FAM107B: variants seen among roughly 807,000 people sequenced by gnomAD.
FAM107B encodes family with sequence similarity 107 member B, also known as protein FAM107B.
In FAM107B, 21 loss-of-function variants were observed where a neutral mutation model predicts 31.5. The ratio of observed to expected loss-of-function variants is 0.67; its 90% CI spans 0.47 to 0.96. The LOEUF is 0.96. Ranked by LOEUF, FAM107B falls within the 40% of genes least tolerant of loss-of-function variation. FAM107B has a pLI of 0.00. For missense variants in FAM107B, 452 were observed against 377.1 expected (o/e 1.20, Z -1.64); for synonymous variants, 157 against 141.5 (o/e 1.11, Z -0.78).
At chr10:14,700,087 C>T (rs1423651705) in intron 1 of FAM107B, among the ~76,000 whole-genome samples, 1 of 152,094 alleles carries the variant, frequency 6.6e-6, no homozygotes, top group African/African-American at 2.4e-5. Context: ...CGTGTGCCAC[C>T]ACACCTGGCT....
At chr10:14,705,106 G>C (rs1288076253) in intron 1 of FAM107B, among the ~76,000 whole-genome samples, 1 of 150,964 alleles carries the variant, frequency 6.6e-6, no homozygotes, top group Admixed American at 6.6e-5. Context: ...TAAGCTCATG[G>C]ATTGCTGCAC....
intron 2 of FAM107B, among the ~76,000 whole-genome samples, chr10:14,567,380 G>A (rs997779496): frequency 2.6e-5 from 4 of 152,176 alleles, no homozygotes; most frequent in East Asian, 1.9e-4. Flanking sequence ...TCTGCCGAGA[G>A]TGAAATGAGA....
chr10:14,546,770 T>G (rs1287459293), intron 2 of FAM107B, among the ~76,000 whole-genome samples: 2 of 152,132 alleles, frequency 1.3e-5, no homozygotes, highest in African/African-American at 2.4e-5. Flanking sequence ...CAAATTAAAT[T>G]CAACCCTACC....
chr10:14,604,918 C>G (rs1211784757), intron 2 of FAM107B, among the ~76,000 whole-genome samples: 1 of 152,020 alleles, frequency 6.6e-6, no homozygotes, highest in Non-Finnish European at 1.5e-5. Flanking sequence ...TTCTCTTTCT[C>G]TCTCTGTGCT....
rs146372533 is a variant in FAM107B, at chr10:14,649,657, C to T, written c.469+17977G>A. ...ACACCCCCCACTTCGAGTTGTCCCA[C>T]CTTTTCCAGACTGAACCAATGTACA... On this transcript the variant is annotated intron_variant, in intron 2 of 4. Coordinates refer to ENST00000181796, the MANE Select transcript of FAM107B (RefSeq NM_031453.4). Among the ~76,000 whole-genome samples the T allele has an allele frequency of 1.8e-4, 28 of 152,304 alleles. No homozygotes were observed. In the East Asian group the frequency reaches 5.4e-3, roughly 29 times the overall value.
chr10:14,634,076 T>C (rs1853435398), intron 2 of FAM107B, among the ~76,000 whole-genome samples: 1 of 152,148 alleles, frequency 6.6e-6, no homozygotes, highest in African/African-American at 2.4e-5. Flanking sequence ...ACATTGTTAT[T>C]GATTTTTAAA....
chr10:14,755,994 C>T (rs1405998812), intron 1 of FAM107B, among the ~76,000 whole-genome samples: 3 of 152,194 alleles, frequency 2.0e-5, no homozygotes, highest in Admixed American at 1.3e-4. Flanking sequence ...ATGTGTCTGA[C>T]TGTCCCACCA....
intron 2 of FAM107B, among the ~76,000 whole-genome samples, chr10:14,649,615 A>G (rs9329343): frequency 0.51 from 76,835 of 151,986 alleles, 19,835 homozygotes; most frequent in East Asian, 0.59. Flanking sequence ...AAATCTTTGA[A>G]TCCACCTGTG....
chr10:14,626,785 T>C (rs1182489536), intron 2 of FAM107B, among the ~76,000 whole-genome samples: 1 of 152,194 alleles, frequency 6.6e-6, no homozygotes, highest in Non-Finnish European at 1.5e-5. Context: ...TTAGTTGTCT[T>C]GTGCTGCTTG....
rs562469915 is a variant in FAM107B at position 14,543,478 on chromosome 10, G to A, written c.470-12963C>T. Among the ~76,000 whole-genome samples, 4 of 152,002 alleles carry A rather than the reference G, an allele frequency of 2.6e-5. No individual in the cohort carries two copies. The East Asian group carries it at 7.8e-4, about 30-fold the overall frequency. On this transcript the variant is annotated intron_variant, in intron 2 of 4. Coordinates refer to ENST00000181796, the MANE Select transcript of FAM107B (RefSeq NM_031453.4). ...AGAGGCACGGTGGTGTAGGACCCGT[G>A]ACTCAGGAGCAGTGCAGGAGGAGTT...
At chr10:14,753,087 C>T (rs1014121369) in intron 1 of FAM107B, among the ~76,000 whole-genome samples, 2 of 152,134 alleles carry the variant, frequency 1.3e-5, no homozygotes, top group African/African-American at 4.8e-5. Context: ...GTTTCTAGCT[C>T]AAAAGCTATT....
chr10:14,617,475 T>C (rs1852883139), intron 2 of FAM107B, among the ~76,000 whole-genome samples: 1 of 152,170 alleles, frequency 6.6e-6, no homozygotes, highest in African/African-American at 2.4e-5. Context: ...AAAAATGGTC[T>C]AAACTGAATA....
chr10:14,643,761 A>T (rs1853687538), intron 2 of FAM107B, among the ~76,000 whole-genome samples: 1 of 152,102 alleles, frequency 6.6e-6, no homozygotes, highest in African/African-American at 2.4e-5. Flanking sequence ...TCATCCAGAA[A>T]CATCCTCACT....
chr10:14,598,560 G>C (rs1394847193), intron 2 of FAM107B, among the ~76,000 whole-genome samples: 5 of 152,114 alleles, frequency 3.3e-5, no homozygotes, highest in Admixed American at 2.0e-4. Context: ...GGGAAAATGG[G>C]GAGTTACCAA....
At chr10:14,725,177 T>C in intron 1 of FAM107B, among the ~76,000 whole-genome samples, 1 of 152,290 alleles carries the variant, frequency 6.6e-6, no homozygotes, top group Non-Finnish European at 1.5e-5. Flanking sequence ...AGCATCCTCC[T>C]ACCTCCCTAC....
chr10:14,554,042 C>T (rs1320629642), intron 2 of FAM107B: 2 of 941,594 alleles, frequency 2.1e-6, no homozygotes, highest in South Asian at 4.9e-5. Context: ...CTGGCCCATC[C>T]TAAGAGGCTC....
chr10:14,718,065 G>A (rs775871303), intron 1 of FAM107B, among the ~76,000 whole-genome samples: 4 of 152,112 alleles, frequency 2.6e-5, no homozygotes, highest in African/African-American at 4.8e-5. Context: ...GGTGGCTCAC[G>A]CCTGTAATCC....
At chr10:14,660,542 A>G (rs999853674) in intron 2 of FAM107B, among the ~76,000 whole-genome samples, 2 of 152,208 alleles carry the variant, frequency 1.3e-5, no homozygotes, top group African/African-American at 2.4e-5. Context: ...GTACTATGTA[A>G]TTTCTACTCA....
intron 2 of FAM107B, among the ~76,000 whole-genome samples, chr10:14,596,989 T>G (rs180971990): frequency 9.2e-5 from 14 of 152,308 alleles, no homozygotes; most frequent in African/African-American, 3.1e-4. Flanking sequence ...TACTCATTCA[T>G]GGCAAGCTTA....
Sources: allele counts gnomAD v4.1 joint callset (sites outside exome capture counted in the v4.1 genomes callset), GRCh38; gene constraint gnomAD v4.1.1; transcripts MANE v1.5; gene names NCBI Gene and HGNC (gene_info 2026-07-23, HGNC 2026-07-21).